Variants in SLC13A5 observed in about 807,000 individuals in gnomAD.
SLC13A5 encodes Na(+)/citrate cotransporter.
In SLC13A5, 25 loss-of-function variants were observed where a neutral mutation model predicts 56.5. That is an observed-to-expected ratio of 0.44 (90% CI 0.32 to 0.62). The LOEUF (loss-of-function observed/expected upper bound fraction) is 0.62. Ranked by LOEUF, SLC13A5 falls within the 20% of genes least tolerant of loss-of-function variation. The pLI is 0.04. For missense variants in SLC13A5, 649 were observed against 737.8 expected (o/e 0.88, Z 1.39); for synonymous variants, 307 against 301.5 (o/e 1.02, Z -0.19).
chr17:6,703,077 C>T lies in SLC13A5; in HGVS notation c.609G>A (p.Arg203=), dbSNP rs2151494038. ...TGCACAGGGTCATGGCCTTACACAA[C>T]CTCTTCCGCTCTTGGTCTTCCTGCT... The part of the protein sequence containing the change: ...LGQQEDQERK[R]LCKAMTLCIC... Residue 203 remains arginine (R), a synonymous_variant, in exon 5 of 12, where the codon AGG becomes AGA. Transcript: ENST00000433363. 1 of 1,614,198 alleles carries T rather than the reference C, an allele frequency of 6.2e-7. No homozygotes were observed. Among genetic ancestry groups the T allele is most frequent in the Non-Finnish European group, 8.5e-7 (1 of 1,180,040 alleles).
chr17:6,707,132 T>C lies in SLC13A5; in HGVS notation c.127A>G (p.Ile43Val), dbSNP rs766071673. The C allele has an allele frequency of 8.7e-6, 14 of 1,613,968 alleles. No individual in the cohort carries two copies. The East Asian group carries it at 3.1e-4, about 36-fold the overall frequency. Residue 43 changes from isoleucine (I) to valine (V), a missense_variant, in exon 2 of 12, where the codon ATC (isoleucine) becomes GTC (valine). By Grantham distance (29) the Ile-to-Val change is conservative. Coordinates refer to ENST00000433363, the MANE Select transcript of SLC13A5 (RefSeq NM_177550.5). ...AKFVRCAYVI[I>V]LMAIYWCTEV... ...GTGCACCAGTAAATGGCCATGAGGA[T>C]GATGACGTAGGCACACCTGACAAAC... is the stretch of plus-strand genomic sequence containing the variant.
Position 6,701,050 on chromosome 17 carries a change from G to A in SLC13A5, c.793C>T (p.Leu265=). 1 of 1,614,238 alleles carries A rather than the reference G, an allele frequency of 6.2e-7. No homozygotes were observed. Among genetic ancestry groups the A allele is most frequent in the Non-Finnish European group, 8.5e-7 (1 of 1,180,038 alleles). Residue 265 remains leucine, a synonymous_variant, in exon 6 of 12, where the codon CTG becomes TTG. Coordinates refer to ENST00000433363, the MANE Select transcript of SLC13A5 (RefSeq NM_177550.5). This position sits in a 1 kb window ranked among gnomAD's most constrained non-coding sequence, Gnocchi z 4.1. ...AFAFPNMLVM[L]LFAWLWLQFV... ...TGGAGCCACAGCCAGGCGAACAGCA[G>A]CATCACCAGCATGTTGGGAAAGGCA...
At position 6,693,921 on chromosome 17, in the gene SLC13A5, T is replaced by C. The variant is rs376540196; in HGVS notation, c.1156+176A>G. Reference sequence around the variant, plus strand: ...CAAATGTTAAAAAGCAAAAAAGATATTTTGCACTAAATAATACCACCGGTG... The same window carrying C: ...CAAATGTTAAAAAGCAAAAAAGATACTTTGCACTAAATAATACCACCGGTG... On this transcript the variant is annotated intron_variant, in intron 8 of 11. Coordinates refer to ENST00000433363, the MANE Select transcript of SLC13A5 (RefSeq NM_177550.5). Among the ~76,000 whole-genome samples the C allele has an allele frequency of 1.5e-3, 235 of 152,324 alleles. 1 individual carries two copies. Among genetic ancestry groups the C allele is most frequent in the African/African-American group, 4.3e-3 (177 of 41,564 alleles).
chr17:6,709,860 G>T (rs1454388299), intron 1 of SLC13A5, among the ~76,000 whole-genome samples: 3 of 152,210 alleles, frequency 2.0e-5, no homozygotes, highest in African/African-American at 7.2e-5. Context: ...TGGGCTAAAT[G>T]ATGCTTTGTT....
At chr17:6,696,537 G>A (rs538491868) in intron 6 of SLC13A5, among the ~76,000 whole-genome samples, 19 of 152,020 alleles carry the variant, frequency 1.2e-4, no homozygotes, top group Non-Finnish European at 2.6e-4. Flanking sequence ...CATCCTGGAT[G>A]GGCCCCCTTG....
Position 6,692,796 on chromosome 17 carries a change from T to G in SLC13A5, c.1275+248A>C. The stretch of plus-strand genomic sequence containing the variant: ...GGTAACTGACAGTGTCCTCTGCCTC[T>G]CTTGGCTAACCACGGTCACTCATTC... On this transcript the variant is annotated intron_variant, in intron 9 of 11. Transcript: ENST00000433363. The surrounding 1 kb of genome is among the most constrained non-coding windows in gnomAD (Gnocchi z 5.5). 1 of 529,576 alleles carries G rather than the reference T, an allele frequency of 1.9e-6. No homozygotes were observed. The highest frequency in any genetic ancestry group is 3.5e-5 in the Admixed American group (1 of 28,566). The allele number at this position is 529,576 out of a possible 1,614,324, so 32.8% of individuals were successfully genotyped here. A position where few individuals can be genotyped will look rare whatever the true frequency, so the allele number is the denominator to read the frequency against.
In SLC13A5 at chr17:6,711,522, G is replaced by T. The variant is rs1974026007; in HGVS notation, c.102+1710C>A. On this transcript the variant is annotated intron_variant, in intron 1 of 11. Coordinates refer to ENST00000433363, the MANE Select transcript of SLC13A5 (RefSeq NM_177550.5). The surrounding 1 kb of genome is among the most constrained non-coding windows in gnomAD (Gnocchi z 4.0). The stretch of plus-strand genomic sequence containing the variant: ...TGTGTGTGTGTATGTGTATGTGTGT[G>T]TTTGTGTTTTTTGTGTGTTTTGTGT... Among the ~76,000 whole-genome samples the T allele has an allele frequency of 6.6e-6, 1 of 151,248 alleles. No homozygotes were observed. Among genetic ancestry groups the T allele is most frequent in the Non-Finnish European group, 1.5e-5 (1 of 67,848 alleles).
chr17:6,701,013 A>G lies in SLC13A5; in HGVS notation c.830T>C (p.Met277Thr). 6.2e-7 allele frequency: 1 copy of G among 1,614,150 alleles called. No individual in the cohort carries two copies. The change falls in exon 6 of 12, where the codon ATG becomes ACG. Residue 277 changes from methionine to threonine, a missense_variant. Met to Thr is a moderately conservative substitution (Grantham distance 81, BLOSUM62 -1). Transcript: ENST00000433363. The surrounding 1 kb of genome is among the most constrained non-coding windows in gnomAD (Gnocchi z 4.1). ...AGCAGCTCAAACTTACTTGAATCTC[A>G]TGTAAACAAACTGGAGCCACAGCCA... ...FAWLWLQFVY[M>T]RFNFKKSWGC...
intron 8 of SLC13A5, 102 bp downstream of exon 8, chr17:6,693,995 A>G: frequency 1.7e-6 from 1 of 593,730 alleles, no homozygotes; most frequent in Non-Finnish European, 2.8e-6. Flanking sequence ...CCTCTTGGAT[A>G]TGATGGGATT....
chr17:6,697,278 G>C (rs562110837), intron 6 of SLC13A5, among the ~76,000 whole-genome samples: 24 of 152,288 alleles, frequency 1.6e-4, no homozygotes, highest in African/African-American at 5.8e-4. Context: ...CCAGCATAAG[G>C]GGTGACCTTG....
chr17:6,693,144 T>A lies in SLC13A5; in HGVS notation c.1175A>T (p.Tyr392Phe). 1.2e-6 allele frequency: 2 copies of A among 1,601,170 alleles called. No individual in the cohort carries two copies. The highest frequency in any genetic ancestry group is 1.7e-6 in the Non-Finnish European group (2 of 1,175,138). Residue 392 changes from tyrosine to phenylalanine, a missense_variant, in exon 9 of 12, where the codon TAT (tyrosine) becomes TTT (phenylalanine). Tyr to Phe is a conservative substitution (Grantham distance 22, BLOSUM62 3). Transcript: ENST00000433363. ...CTTCCAATCCAGCAGGGGAGGGGGA[T>A]AAAATGGAGTTTTCCTTTCTGGGAA... ...QTEEERKTPFYPPPLLDWKVT... is the reference protein window; with the variant it reads ...QTEEERKTPFFPPPLLDWKVT...
intron 4 of SLC13A5, among the ~76,000 whole-genome samples, chr17:6,703,615 A>G (rs1973778170): frequency 6.6e-6 from 1 of 152,234 alleles, no homozygotes; most frequent in Non-Finnish European, 1.5e-5. Context: ...CAAATGAATA[A>G]TCAGGTGAAC....
At position 6,686,302 on chromosome 17, in the gene SLC13A5, A is replaced by G. The variant is rs1293539562; in HGVS notation, c.1612T>C (p.Phe538Leu). 27 of 1,614,052 alleles carry G rather than the reference A, an allele frequency of 1.7e-5. No individual in the cohort carries two copies. The highest frequency in any genetic ancestry group is 2.3e-5 in the Non-Finnish European group (27 of 1,180,028). The change falls in exon 12 of 12, where the codon TTC becomes CTC. Residue 538 changes from phenylalanine to leucine, a missense_variant. By Grantham distance (22) the Phe-to-Leu change is conservative. Coordinates refer to ENST00000433363, the MANE Select transcript of SLC13A5 (RefSeq NM_177550.5). The stretch of plus-strand genomic sequence containing the variant: ...GTGTTGACAGCCAAAAACACACAGA[A>G]GACTCCAATTATGTTCATTATGACT... The part of the protein sequence containing the change: ...TGVIMNIIGV[F>L]CVFLAVNTWG...
At position 6,694,459 on chromosome 17, in the gene SLC13A5, A is replaced by G. The variant is rs218686; in HGVS notation, c.1056-262T>C. On this transcript the variant is annotated intron_variant, in intron 7 of 11. Coordinates refer to ENST00000433363, the MANE Select transcript of SLC13A5 (RefSeq NM_177550.5). ...TAGTGAAACCCCGTCTCTACTAAAA[A>G]TACAAAAAATTAGCCAGACATGCTG... is the stretch of plus-strand genomic sequence containing the variant. Among the ~76,000 whole-genome samples the G allele has an allele frequency of 0.13, 19,070 of 152,116 alleles. 1,767 individuals are homozygous for G. Among genetic ancestry groups the G allele is most frequent in the African/African-American group, 0.26 (10,582 of 41,448 alleles).
chr17:6,713,217 G>A lies in SLC13A5; in HGVS notation c.102+15C>T. ...ACGCCGGGTGTCCGAAGGGCTGCCT[G>A]GAGATGCAACTGACCTTGGCGGGCA... On this transcript the variant is annotated intron_variant, in intron 1 of 11. Transcript: ENST00000433363. This position sits in a 1 kb window ranked among gnomAD's most constrained non-coding sequence, Gnocchi z 7.3. 6.2e-7 allele frequency: 1 copy of A among 1,612,578 alleles called. No individual in the cohort carries two copies. Among genetic ancestry groups the A allele is most frequent in the Non-Finnish European group, 8.5e-7 (1 of 1,179,062 alleles).
rs57992805 is a variant in SLC13A5, at chr17:6,700,719, G to C, written c.839+285C>G. Among the ~76,000 whole-genome samples, 8,954 of 152,270 alleles carry C rather than the reference G, an allele frequency of 0.059. 554 individuals carry two copies. Among genetic ancestry groups the C allele is most frequent in the African/African-American group, 0.16 (6,634 of 41,518 alleles). ...CCAGGGGCCGCTCAGAGATGGAATG[G>C]GGGTGGGGAAAAGTCAGGGAAGCAG... is the stretch of plus-strand genomic sequence containing the variant. On this transcript the variant is annotated intron_variant, in intron 6 of 11. Coordinates refer to ENST00000433363, the MANE Select transcript of SLC13A5 (RefSeq NM_177550.5).
intron 4 of SLC13A5, among the ~76,000 whole-genome samples, chr17:6,703,610 GAATA>G (rs1345470883): frequency 6.6e-6 from 1 of 152,210 alleles, no homozygotes; most frequent in Admixed American, 6.5e-5. Flanking sequence ...ATGCCCAAAT[GAATA>G]ATCAGGTGAA....
Position 6,711,684 on chromosome 17 carries a change from TGTGA to T in SLC13A5, c.102+1544_102+1547del, listed in dbSNP as rs1010975308. Among the ~76,000 whole-genome samples, 15 of 151,666 alleles carry T rather than the reference TGTGA, an allele frequency of 9.9e-5. No individual in the cohort carries two copies. The highest frequency in any genetic ancestry group is 4.6e-4 in the Admixed American group (7 of 15,202). Reference sequence around the variant, plus strand: ...GTTTGTGTGTGTGTCTGTGTGTGTTTGTGAGTGTGTGTGTGTGAGAGAGAGAGTG... The same window carrying T: ...GTTTGTGTGTGTGTCTGTGTGTGTTTGTGTGTGTGTGTGAGAGAGAGAGTG... On this transcript the variant is annotated intron_variant, in intron 1 of 11. Coordinates refer to ENST00000433363, the MANE Select transcript of SLC13A5 (RefSeq NM_177550.5). This position sits in a 1 kb window ranked among gnomAD's most constrained non-coding sequence, Gnocchi z 4.0.
Position 6,692,843 on chromosome 17 carries a change from A to G in SLC13A5, c.1275+201T>C. 1 of 585,570 alleles carries G rather than the reference A, an allele frequency of 1.7e-6. No individual in the cohort carries two copies. Among genetic ancestry groups the G allele is most frequent in the East Asian group, 2.9e-5 (1 of 34,834 alleles). The allele number at this position is 585,570 out of a possible 1,614,324, so 36.3% of individuals were successfully genotyped here. A position where few individuals can be genotyped will look rare whatever the true frequency, so the allele number is the denominator to read the frequency against. ...ATTCACTCATTCCTGCAATCGCTCA[A>G]AGGTTACTTTCTGTCTTCCAGGCCC... On this transcript the variant is annotated intron_variant, in intron 9 of 11. Transcript: ENST00000433363. This position sits in a 1 kb window ranked among gnomAD's most constrained non-coding sequence, Gnocchi z 5.5.
Sources: allele counts gnomAD v4.1 joint callset (sites outside exome capture counted in the v4.1 genomes callset), GRCh38; gene constraint gnomAD v4.1.1; non-coding constraint Gnocchi (gnomAD v3.1); transcripts MANE v1.5; gene names NCBI Gene and HGNC (gene_info 2026-07-23, HGNC 2026-07-21).